GART: variants seen among roughly 807,000 people sequenced by gnomAD.
GART encodes trifunctional purine biosynthetic protein adenosine-3.
In GART, 43 loss-of-function variants were observed where a neutral mutation model predicts 107.2. The observed-to-expected ratio is 0.40, with a 90% CI of 0.31 to 0.52. GART has a LOEUF of 0.52. Among genes scored for constraint, GART ranks in the 20% least tolerant of loss-of-function variants. The pLI is 0.52. For missense variants in GART, 1,107 were observed against 1,206.5 expected, an observed-to-expected ratio of 0.92 and a Z score of 1.22; for synonymous variants, 434 against 427.0, an observed-to-expected ratio of 1.02 and a Z score of -0.20.
intron 16 of GART, among the ~76,000 whole-genome samples, chr21:33,513,293 C>T (rs764374459): frequency 1.3e-5 from 2 of 151,840 alleles, no homozygotes; most frequent in Non-Finnish European, 2.9e-5. Flanking sequence ...AAAAATGAGG[C>T]GGGTGCAGTG....
intron 3 of GART, 42 bp from the exon 4 acceptor site, chr21:33,534,795 C>G: frequency 1.3e-6 from 2 of 1,501,964 alleles, no homozygotes; most frequent in African/African-American, 1.4e-5. Flanking sequence ...CAAGGTCTCC[C>G]CAGGGGCTTT....
At position 33,531,424 on chromosome 21, in the gene GART, G is replaced by A. The variant is rs75072619; in HGVS notation, c.597+65C>T. 1.3e-3 allele frequency: 1,811 copies of A among 1,387,106 alleles called. 22 individuals are homozygous for A. The African/African-American group carries it at 0.024, about 18-fold the overall frequency. 85.9% of individuals were successfully genotyped at this position (1,387,106 alleles called of 1,614,324 possible). ...AACCAGAGTATATCAAGTCTTTTCT[G>A]GGGTACACAGGTCAGATGACAGCTT... On this transcript the variant is annotated intron_variant, in intron 6 of 21. Coordinates refer to ENST00000381815, the MANE Select transcript of GART (RefSeq NM_000819.5).
intron 16 of GART, 43 bp downstream of exon 16, chr21:33,516,946 C>T (rs1351847086): frequency 6.5e-7 from 1 of 1,538,496 alleles, no homozygotes; most frequent in Non-Finnish European, 8.8e-7. Flanking sequence ...GCATTTTTTT[C>T]CTCAGCAATT....
At position 33,532,520 on chromosome 21, in the gene GART, G is replaced by A. The variant is rs1376440830; in HGVS notation, c.417-64C>T. ...TTACAACTCAAGATTTTAAAATGCTGTGGGATTTTGTAACGATATGCTATA... is the reference window on the plus strand; with the variant it reads ...TTACAACTCAAGATTTTAAAATGCTATGGGATTTTGTAACGATATGCTATA... On this transcript the variant is annotated intron_variant, in intron 4 of 21. Coordinates refer to ENST00000381815, the MANE Select transcript of GART (RefSeq NM_000819.5). 4 of 1,222,860 alleles carry A rather than the reference G, an allele frequency of 3.3e-6. No individual in the cohort carries two copies. In the Admixed American group the frequency reaches 5.2e-5, roughly 16 times the overall value. 75.8% of individuals were successfully genotyped at this position (1,222,860 alleles called of 1,614,324 possible).
In GART at chr21:33,528,994, T is replaced by C. The variant is rs145507693; in HGVS notation, c.724-57A>G. 5.9e-4 allele frequency: 683 copies of C among 1,167,416 alleles called. 4 individuals carry two copies. In the East Asian group the frequency reaches 0.014, roughly 24 times the overall value. The allele number at this position is 1,167,416 out of a possible 1,614,324, so 72.3% of individuals were successfully genotyped here. A position where few individuals can be genotyped will look rare whatever the true frequency, so the allele number is the denominator to read the frequency against. ...CAGGTAACTTAAAAAGTCTAAGTAG[T>C]ATTACATGGGACAACAGAAGGGGAT... On this transcript the variant is annotated intron_variant, in intron 7 of 21. Coordinates refer to ENST00000381815, the MANE Select transcript of GART (RefSeq NM_000819.5).
Position 33,517,386 on chromosome 21 carries a change from G to A in GART, c.1925C>T (p.Ala642Val). 1 of 1,614,162 alleles carries A rather than the reference G, an allele frequency of 6.2e-7. No individual in the cohort carries two copies. The highest frequency in any genetic ancestry group is 8.5e-7 in the Non-Finnish European group (1 of 1,180,018). The change falls in exon 15 of 22, where the codon GCA (alanine) becomes GTA (valine). Residue 642 changes from alanine (A) to valine (V), a missense_variant. Transcript: ENST00000381815. The part of the protein sequence containing the change: ...AKSSLQYSSP[A>V]PDGCGDQTLG... ...AGTCTGGTCACCACAACCATCAGGT[G>A]CTGGAGAGGAGTACTGGAGGGAAGA... is the stretch of plus-strand genomic sequence containing the variant.
chr21:33,538,623 T>C (rs1356762151), intron 2 of GART, among the ~76,000 whole-genome samples: 2 of 152,332 alleles, frequency 1.3e-5, no homozygotes, highest in Non-Finnish European at 2.9e-5. Context: ...TTACTACTTT[T>C]CCAATGGATG....
chr21:33,515,221 G>A (rs2084852755), intron 16 of GART, among the ~76,000 whole-genome samples: 1 of 152,154 alleles, frequency 6.6e-6, no homozygotes, highest in Non-Finnish European at 1.5e-5. Flanking sequence ...CCCCAGGCCT[G>A]ATCATCTCAC....
At chr21:33,531,598 A>C in intron 5 of GART, 41 bp from the exon 6 acceptor site, 1 of 1,513,364 alleles carries the variant, frequency 6.6e-7, no homozygotes, top group Non-Finnish European at 8.9e-7. Context: ...TTAAAAAAAG[A>C]GGCTTGGTAA....
At chr21:33,530,260 A>G (rs1436478852) in intron 7 of GART, among the ~76,000 whole-genome samples, 1 of 152,264 alleles carries the variant, frequency 6.6e-6, no homozygotes, top group African/African-American at 2.4e-5. Flanking sequence ...ATGAAGTAGA[A>G]AGATCAGAAC....
intron 16 of GART, among the ~76,000 whole-genome samples, chr21:33,515,663 A>AC (rs1003579804): frequency 1.5e-4 from 22 of 150,132 alleles, no homozygotes; most frequent in African/African-American, 5.5e-4. Flanking sequence ...AAAAAAAAAA[A>AC]AAAAAAAAAA....
intron 11 of GART, 86 bp downstream of exon 11, chr21:33,524,683 G>T (rs987283450): frequency 3.8e-6 from 6 of 1,564,794 alleles, no homozygotes; most frequent in South Asian, 2.4e-5. Flanking sequence ...AATACTGAAT[G>T]ACTTATAGGG....
At chr21:33,513,496 G>A (rs1370816711) in intron 16 of GART, among the ~76,000 whole-genome samples, 3 of 152,136 alleles carry the variant, frequency 2.0e-5, no homozygotes, top group Non-Finnish European at 4.4e-5. Context: ...CTTGAACCCG[G>A]GAGGTGGAGG....
Position 33,511,261 on chromosome 21 carries a change from G to A in GART, c.2305C>T (p.Arg769Ter), listed in dbSNP as rs1209987240. 4 of 1,614,092 alleles carry A rather than the reference G, an allele frequency of 2.5e-6. No homozygotes were observed. The highest frequency in any genetic ancestry group is 2.5e-6 in the Non-Finnish European group (3 of 1,179,998). ...AGTAAGGAGCAAGTACCTTCAGCTCGTGCAACCACACTGCCAATCACCCAG... is the reference window on the plus strand; with the variant it reads ...AGTAAGGAGCAAGTACCTTCAGCTCATGCAACCACACTGCCAATCACCCAG... ...EAWVIGSVVA[R>*]AEGSPRVKVK... is the part of the protein sequence containing the mutation. The change falls in exon 17 of 22, where the codon CGA (arginine) becomes TGA (stop). Residue 769 changes from arginine (R) to a stop codon, truncating the protein, a stop_gained. Transcript: ENST00000381815. LOFTEE classifies it high-confidence loss of function.
At chr21:33,530,472 A>G (rs568834105) in intron 7 of GART, among the ~76,000 whole-genome samples, 3 of 152,334 alleles carry the variant, frequency 2.0e-5, no homozygotes, top group Non-Finnish European at 2.9e-5. Context: ...ATCCAAGACC[A>G]CGACAGGCTC....
intron 20 of GART, among the ~76,000 whole-genome samples, chr21:33,504,818 C>G (rs551805112): frequency 6.6e-6 from 1 of 152,076 alleles, no homozygotes; most frequent in African/African-American, 2.4e-5. Context: ...GTTGCTGGCA[C>G]GTACTATTAA....
chr21:33,517,509 T>C lies in GART; in HGVS notation c.1802A>G (p.His601Arg), dbSNP rs557882403. ...GAMERDQKLP[H>R]LERITEGDVV... ...ATCACCCTCAGTGATTCTTTCCAGG[T>C]GAGGGAGTTTCTGATCTCGCTCCAT... The change falls in exon 15 of 22, where the codon CAC (histidine) becomes CGC (arginine). Residue 601 changes from histidine (H) to arginine (R), a missense_variant. Coordinates refer to ENST00000381815, the MANE Select transcript of GART (RefSeq NM_000819.5). 3.0e-5 allele frequency: 48 copies of C among 1,614,166 alleles called. No homozygotes were observed. The Admixed American group carries it at 7.5e-4, about 25-fold the overall frequency.
chr21:33,537,724 T>C (rs1298089205), intron 2 of GART, among the ~76,000 whole-genome samples: 4 of 152,050 alleles, frequency 2.6e-5, no homozygotes, highest in African/African-American at 9.7e-5. Flanking sequence ...CTTGGGAAAT[T>C]GGTAGGACAG....
intron 10 of GART, among the ~76,000 whole-genome samples, chr21:33,525,619 C>T (rs540027970): frequency 8.0e-4 from 121 of 152,018 alleles, no homozygotes; most frequent in Non-Finnish European, 1.2e-3. Flanking sequence ...TTAGTAGAGA[C>T]GGGGTTTGAA....
Sources: allele counts gnomAD v4.1 joint callset (sites outside exome capture counted in the v4.1 genomes callset), GRCh38; gene constraint gnomAD v4.1.1; transcripts MANE v1.5; gene names NCBI Gene and HGNC (gene_info 2026-07-23, HGNC 2026-07-21).